The following APOBEC1 variants were observed in gnomAD, a reference collection of about 807,000 sequenced individuals.
The protein encoded by APOBEC1 is C->U-editing enzyme APOBEC-1.
In APOBEC1, 22 loss-of-function variants were observed where a neutral mutation model predicts 26.3. The ratio of observed to expected loss-of-function variants is 0.84; its 90% CI spans 0.60 to 1.19. The LOEUF is 1.19. Ranked by LOEUF, APOBEC1 falls within the 50% of genes most tolerant of loss-of-function variation. The pLI is 0.00. For missense variants in APOBEC1, 253 were observed against 289.0 expected, an observed-to-expected ratio of 0.88 and a Z score of 0.90; for synonymous variants, 77 against 95.3, an observed-to-expected ratio of 0.81 and a Z score of 1.12.
chr12:7,653,113 G>A (rs1410881171), intron 2 of APOBEC1, among the ~76,000 whole-genome samples: 1 of 151,756 alleles, frequency 6.6e-6, no homozygotes, highest in Non-Finnish European at 1.5e-5. Context: ...TGTATTTTTA[G>A]TAGAGACGGG....
chr12:7,669,363 T>A (rs1362163863), upstream of APOBEC1, among the ~76,000 whole-genome samples: 1 of 152,178 alleles, frequency 6.6e-6, no homozygotes, highest in Non-Finnish European at 1.5e-5. Context: ...TTCCATTGCA[T>A]AGGTATGCTA....
rs1457205279 is a variant in APOBEC1 at position 7,660,371 on chromosome 12, GGAAGGAAA to G, written c.16+5478_16+5485del. The stretch of plus-strand genomic sequence containing the variant: ...AGGAAGGAAGGAAGGAAGGAAGGAA[GGAAGGAAA>G]GAAAGAAAGAAAGAAAGAAAGAAAG... On this transcript the variant is annotated intron_variant, in intron 1 of 4. Transcript: ENST00000229304. Among the ~76,000 whole-genome samples, 55 of 18,048 alleles carry G rather than the reference GGAAGGAAA, an allele frequency of 3.0e-3. 1 individual carries two copies. The highest frequency in any genetic ancestry group is 6.6e-3 in the East Asian group (7 of 1,060). 11.8% of individuals were successfully genotyped at this position (18,048 alleles called of 152,430 possible). A position where few individuals can be genotyped will look rare whatever the true frequency, so the allele number is the denominator to read the frequency against.
chr12:7,652,337 T>A, intron 3 of APOBEC1, 101 bp downstream of exon 3: 2 of 1,117,872 alleles, frequency 1.8e-6, no homozygotes, highest in Non-Finnish European at 2.5e-6. Flanking sequence ...CTTTTACTTC[T>A]GAGACTTCCA....
chr12:7,650,220 T>C (rs1863620058), intron 4 of APOBEC1, among the ~76,000 whole-genome samples: 1 of 152,154 alleles, frequency 6.6e-6, no homozygotes, highest in Non-Finnish European at 1.5e-5. Context: ...GTAGAGCCAA[T>C]ATGTGTTGTA....
intron 2 of APOBEC1, 25 bp downstream of exon 2, chr12:7,654,580 G>T (rs1863688142): frequency 1.9e-6 from 3 of 1,611,254 alleles, no homozygotes; most frequent in African/African-American, 1.3e-5. Flanking sequence ...AAATTAAATG[G>T]GCACTGTGAT....
upstream of APOBEC1, among the ~76,000 whole-genome samples, chr12:7,666,593 C>T (rs1863894594): frequency 6.6e-6 from 1 of 151,836 alleles, no homozygotes; most frequent in African/African-American, 2.4e-5. Flanking sequence ...CCGTGCCTAG[C>T]CTAGGATGCA....
At chr12:7,652,299 A>G in intron 3 of APOBEC1, 139 bp downstream of exon 3, 1 of 726,084 alleles carries the variant, frequency 1.4e-6, no homozygotes, top group Non-Finnish European at 2.2e-6. Flanking sequence ...TGAATTTCAG[A>G]CCTAGTCCTT....
chr12:7,668,737 GT>G (rs887679970), upstream of APOBEC1, among the ~76,000 whole-genome samples: 4 of 150,516 alleles, frequency 2.7e-5, no homozygotes, highest in South Asian at 4.2e-4. Flanking sequence ...TTGTTTTTTT[GT>G]TTTTTTTTAA....
chr12:7,658,772 G>A (rs1259351437), intron 1 of APOBEC1, among the ~76,000 whole-genome samples: 4 of 151,708 alleles, frequency 2.6e-5, no homozygotes, highest in Admixed American at 2.6e-4. Flanking sequence ...GACCAACATG[G>A]CGAAACCCCG....
chr12:7,666,585 G>A (rs781351825), upstream of APOBEC1, among the ~76,000 whole-genome samples: 1 of 151,862 alleles, frequency 6.6e-6, no homozygotes, highest in Admixed American at 6.6e-5. Flanking sequence ...ATGAGCCACC[G>A]TGCCTAGCCT....
At chr12:7,659,868 C>T (rs1863778762) in intron 1 of APOBEC1, among the ~76,000 whole-genome samples, 1 of 152,010 alleles carries the variant, frequency 6.6e-6, no homozygotes, top group African/African-American at 2.4e-5. Flanking sequence ...ACTCGGGAGG[C>T]TGAGGCAGGA....
At chr12:7,665,964 G>T, upstream of APOBEC1, 1 of 1,361,974 alleles carries the variant, frequency 7.3e-7, no homozygotes, top group Non-Finnish European at 1.1e-6. Flanking sequence ...ACTGCCACCT[G>T]CTTGGGCAGA....
At chr12:7,665,741 A>G in intron 1 of APOBEC1, 116 bp downstream of exon 1, 2 of 1,137,218 alleles carry the variant, frequency 1.8e-6, no homozygotes, top group Non-Finnish European at 2.6e-6. Context: ...CACAGATGCA[A>G]GAATCAGCAG....
At chr12:7,654,028 C>A (rs190782236) in intron 2 of APOBEC1, among the ~76,000 whole-genome samples, 168 of 152,296 alleles carry the variant, frequency 1.1e-3, no homozygotes, top group African/African-American at 3.9e-3. Flanking sequence ...AATCCTTCCA[C>A]CTATCAAGAG....
intron 1 of APOBEC1, among the ~76,000 whole-genome samples, chr12:7,656,457 G>A (rs925860934): frequency 6.6e-6 from 1 of 152,124 alleles, no homozygotes; most frequent in Non-Finnish European, 1.5e-5. Flanking sequence ...TCTAGAGGAG[G>A]AAGTAAAACC....
At chr12:7,654,387 T>TG (rs1276877070) in intron 2 of APOBEC1, among the ~76,000 whole-genome samples, 21 of 150,980 alleles carry the variant, frequency 1.4e-4, no homozygotes, top group Admixed American at 1.4e-3. Flanking sequence ...TTTTTTTTTT[T>TG]TTGAGACAGG....
chr12:7,659,870 G>A (rs968017773), intron 1 of APOBEC1, among the ~76,000 whole-genome samples: 5 of 152,122 alleles, frequency 3.3e-5, no homozygotes, highest in African/African-American at 1.2e-4. Context: ...TCGGGAGGCT[G>A]AGGCAGGAGA....
intron 2 of APOBEC1, among the ~76,000 whole-genome samples, chr12:7,653,492 T>TTC (rs1491012481): frequency 1.1e-4 from 1 of 8,856 alleles, no homozygotes; most frequent in Non-Finnish European, 1.3e-3. Flanking sequence ...TCTAACCCTT[T>TTC]TTTTTTTTTT....
chr12:7,650,463 TG>T (rs1246708952), intron 4 of APOBEC1, among the ~76,000 whole-genome samples: 1 of 152,180 alleles, frequency 6.6e-6, no homozygotes, highest in African/African-American at 2.4e-5. Context: ...AATGATAAAA[TG>T]TAATTAATAT....
Sources: gnomAD v4.1 joint callset for allele counts (sites outside exome capture counted in the v4.1 genomes callset) on GRCh38, gnomAD v4.1.1 for gene constraint, MANE v1.5 for transcripts, NCBI Gene and HGNC (gene_info 2026-07-23, HGNC 2026-07-21) for gene names.